The following SLC39A11 variants were observed in gnomAD, a reference collection of about 807,000 sequenced individuals.
SLC39A11 encodes zinc transporter ZIP11.
A neutral mutation model predicts 36.1 loss-of-function variants in SLC39A11; 33 were observed. That is an observed-to-expected ratio of 0.91 (90% CI 0.69 to 1.22). SLC39A11 has a LOEUF of 1.22. Among genes scored for constraint, SLC39A11 ranks in the 50% most tolerant of loss-of-function variants. The pLI, the probability that SLC39A11 is intolerant of heterozygous loss-of-function variation, is 0.00. For missense variants in SLC39A11, 432 were observed against 430.3 expected (o/e 1.00, Z -0.03); for synonymous variants, 166 against 170.3 (o/e 0.97, Z 0.20).
intron 4 of SLC39A11, among the ~76,000 whole-genome samples, chr17:72,965,230 C>G (rs2086881262): frequency 6.6e-6 from 1 of 151,628 alleles, no homozygotes; most frequent in African/African-American, 2.4e-5. Flanking sequence ...CACATGTACC[C>G]TAGAACTTAA....
intron 6 of SLC39A11, among the ~76,000 whole-genome samples, chr17:72,803,491 G>A (rs1266399317): frequency 6.6e-6 from 1 of 152,262 alleles, no homozygotes; most frequent in Admixed American, 6.5e-5. Flanking sequence ...TAGGGAAAGT[G>A]GGGGAAGGCT....
intron 4 of SLC39A11, among the ~76,000 whole-genome samples, chr17:72,994,272 G>A (rs1331621909): frequency 6.6e-6 from 1 of 152,150 alleles, no homozygotes; most frequent in East Asian, 1.9e-4. Flanking sequence ...TATAGACAAT[G>A]ATGTGGATAA....
intron 3 of SLC39A11, among the ~76,000 whole-genome samples, chr17:73,045,184 A>G (rs2059239089): frequency 6.6e-6 from 1 of 151,800 alleles, no homozygotes; most frequent in African/African-American, 2.4e-5. Flanking sequence ...CTCAAACTCT[A>G]AGTACCAGCA....
intron 7 of SLC39A11, among the ~76,000 whole-genome samples, chr17:72,704,339 G>A (rs867021648): frequency 2.6e-5 from 4 of 152,262 alleles, no homozygotes; most frequent in South Asian, 4.1e-4. Context: ...GCAGCACCTC[G>A]ATTTGGACCT....
At chr17:72,705,516 C>T (rs967575396) in intron 7 of SLC39A11, among the ~76,000 whole-genome samples, 23 of 152,326 alleles carry the variant, frequency 1.5e-4, no homozygotes, top group African/African-American at 5.5e-4. Context: ...ACGATGGGAT[C>T]TGGGTGACAG....
intron 6 of SLC39A11, among the ~76,000 whole-genome samples, chr17:72,746,159 G>A (rs2074926391): frequency 6.6e-6 from 1 of 152,174 alleles, no homozygotes; most frequent in Admixed American, 6.5e-5. Context: ...TGACTGGGAT[G>A]GGGAGAGAAG....
intron 7 of SLC39A11, among the ~76,000 whole-genome samples, chr17:72,658,394 C>T (rs529548116): frequency 1.1e-4 from 16 of 152,302 alleles, no homozygotes; most frequent in Admixed American, 5.9e-4. Context: ...CCTCCCTCCT[C>T]GTATCTTCAG....
chr17:72,891,394 C>A (rs749395988), intron 5 of SLC39A11, among the ~76,000 whole-genome samples: 2 of 152,138 alleles, frequency 1.3e-5, no homozygotes, highest in Non-Finnish European at 2.9e-5. Flanking sequence ...CCCTGCCAAC[C>A]TTCTCTACCC....
At chr17:72,937,411 C>T (rs2084840751) in intron 5 of SLC39A11, among the ~76,000 whole-genome samples, 1 of 152,100 alleles carries the variant, frequency 6.6e-6, no homozygotes, top group African/African-American at 2.4e-5. Flanking sequence ...GCCGAGATTG[C>T]GCCACTGCAC....
At chr17:72,833,634 G>A (rs2145746736) in intron 6 of SLC39A11, among the ~76,000 whole-genome samples, 1 of 152,350 alleles carries the variant, frequency 6.6e-6, no homozygotes, top group East Asian at 1.9e-4. Context: ...GCTGTTCTGT[G>A]AGAGGGGCTA....
intron 5 of SLC39A11, among the ~76,000 whole-genome samples, chr17:72,914,110 A>C (rs1230478484): frequency 2.0e-5 from 3 of 151,854 alleles, no homozygotes; most frequent in African/African-American, 7.3e-5. Context: ...AGATCAGGAG[A>C]TCAAGACCAT....
At chr17:72,922,731 G>A (rs1388624411) in intron 5 of SLC39A11, among the ~76,000 whole-genome samples, 1 of 152,052 alleles carries the variant, frequency 6.6e-6, no homozygotes, top group Non-Finnish European at 1.5e-5. Context: ...ACTTTGGGAG[G>A]CTGAGGTGGC....
At chr17:72,725,331 G>A (rs1013931177) in intron 7 of SLC39A11, among the ~76,000 whole-genome samples, 2 of 152,054 alleles carry the variant, frequency 1.3e-5, no homozygotes, top group East Asian at 1.9e-4. Context: ...ACCCCTCTAC[G>A]TAGGGTCACA....
At chr17:72,649,102 A>AT (rs1427684185) in intron 8 of SLC39A11, 68 bp downstream of exon 8, 5 of 1,563,198 alleles carry the variant, frequency 3.2e-6, no homozygotes, top group Non-Finnish European at 4.4e-6. Flanking sequence ...AAAGCACATC[A>AT]CTGTTTTGTT....
chr17:72,950,482 C>T (rs1367335900), intron 4 of SLC39A11, among the ~76,000 whole-genome samples: 2 of 152,198 alleles, frequency 1.3e-5, no homozygotes, highest in African/African-American at 2.4e-5. Context: ...TGCCACGGGC[C>T]ATGGAGTCAC....
chr17:72,721,188 C>A (rs1238840730), intron 7 of SLC39A11, among the ~76,000 whole-genome samples: 1 of 151,534 alleles, frequency 6.6e-6, no homozygotes, highest in East Asian at 1.9e-4. Context: ...CCTCTGCCTG[C>A]TGGGTTCAAG....
rs139905640 is a variant in SLC39A11 at position 73,032,640 on chromosome 17, C to T, written c.148-926G>A. 8.4e-3 allele frequency among the ~76,000 whole-genome samples: 1,279 copies of T among 152,302 alleles called. 15 individuals carry two copies. The highest frequency in any genetic ancestry group is 0.03 in the African/African-American group (1,226 of 41,550). Reference sequence around the variant, plus strand: ...TGAGCTGAAATCTGTCTCCTTTCCACTTTTACCTTTTAGCTGTGGTTTTGC... The same window carrying T: ...TGAGCTGAAATCTGTCTCCTTTCCATTTTTACCTTTTAGCTGTGGTTTTGC... On this transcript the variant is annotated intron_variant, in intron 3 of 9. Coordinates refer to ENST00000255559, the MANE Select transcript of SLC39A11 (RefSeq NM_139177.4).
At chr17:72,902,043 G>A (rs1466653570) in intron 5 of SLC39A11, among the ~76,000 whole-genome samples, 4 of 152,096 alleles carry the variant, frequency 2.6e-5, no homozygotes, top group Admixed American at 1.3e-4. Flanking sequence ...AGGCCGAGGC[G>A]GGTGGATTAC....
intron 7 of SLC39A11, among the ~76,000 whole-genome samples, chr17:72,662,795 GGAAGAAAGA>G (rs894167711): frequency 2.1e-5 from 3 of 144,346 alleles, no homozygotes; most frequent in African/African-American, 2.6e-5. Flanking sequence ...AAGGAAGGAG[GGAAGAAAGA>G]GAAGAAAGAG....
Sources: gnomAD v4.1 joint callset for allele counts (sites outside exome capture counted in the v4.1 genomes callset) on GRCh38, gnomAD v4.1.1 for gene constraint, MANE v1.5 for transcripts, NCBI Gene and HGNC (gene_info 2026-07-23, HGNC 2026-07-21) for gene names.